TEX26: variants seen among roughly 807,000 people sequenced by gnomAD.
TEX26 encodes the protein testis-expressed protein 26.
TEX26 carries 34 observed loss-of-function variants against 35.3 expected under a neutral mutation model. The observed-to-expected ratio is 0.96, with a 90% CI of 0.73 to 1.28. The LOEUF (loss-of-function observed/expected upper bound fraction) is 1.28. TEX26 is among the 50% of genes most tolerant of loss of function. TEX26 has a pLI of 0.00. For synonymous variants in TEX26, 136 were observed against 111.8 expected (o/e 1.22, Z -1.36); for missense variants, 371 against 330.1 (o/e 1.12, Z -0.96).
At chr13:30,972,839 G>T (rs1244921183) in intron 6 of TEX26, among the ~76,000 whole-genome samples, 1 of 152,236 alleles carries the variant, frequency 6.6e-6, no homozygotes, top group Non-Finnish European at 1.5e-5. Context: ...GTTTGGCCAT[G>T]TTGGCCAGGC....
rs578078652 is a variant in TEX26, at chr13:30,970,067, A to C, written c.808+1021A>C. Among the ~76,000 whole-genome samples, 29 of 151,816 alleles carry C rather than the reference A, an allele frequency of 1.9e-4. No homozygotes were observed. In the South Asian group the frequency reaches 5.4e-3, roughly 28 times the overall value. On this transcript the variant is annotated intron_variant, in intron 6 of 6. Transcript: ENST00000380473. Reference sequence around the variant, plus strand: ...CCCAGCCACAATCAGAAGAGCTTGCACCTCTGAAATCCTCGCTGAAACCCT... The same window carrying C: ...CCCAGCCACAATCAGAAGAGCTTGCCCCTCTGAAATCCTCGCTGAAACCCT...
At chr13:30,973,464 A>T (rs1954777695) in intron 6 of TEX26, 1 of 152,222 alleles carries the variant, frequency 6.6e-6, no homozygotes, top group Non-Finnish European at 1.5e-5. Flanking sequence ...ACAGTAATGC[A>T]TGTGTCACTT....
At chr13:30,948,385 A>G (rs1258545517) in intron 2 of TEX26, among the ~76,000 whole-genome samples, 1 of 152,210 alleles carries the variant, frequency 6.6e-6, no homozygotes, top group African/African-American at 2.4e-5. Flanking sequence ...ATTTGTCCAC[A>G]TCCTCTCCAG....
At chr13:30,939,458 G>C (rs983013521) in intron 1 of TEX26, among the ~76,000 whole-genome samples, 3 of 152,046 alleles carry the variant, frequency 2.0e-5, no homozygotes, top group African/African-American at 7.3e-5. Flanking sequence ...CTTTAAAATA[G>C]CATGCATGAA....
chr13:30,936,719 G>T (rs1199792364), intron 1 of TEX26: 1 of 985,302 alleles, frequency 1.0e-6, no homozygotes, highest in African/African-American at 1.7e-5. Context: ...CCACGGGAGG[G>T]CTTGGGGACT....
At chr13:30,954,465 A>C (rs544585110) in intron 3 of TEX26, among the ~76,000 whole-genome samples, 1 of 150,410 alleles carries the variant, frequency 6.6e-6, no homozygotes, top group African/African-American at 2.4e-5. Context: ...GTATAATTAG[A>C]TATATTACAG....
chr13:30,963,205 T>C (rs968477341), intron 4 of TEX26, among the ~76,000 whole-genome samples: 1 of 152,160 alleles, frequency 6.6e-6, no homozygotes, highest in Admixed American at 6.5e-5. Flanking sequence ...ATACCTAATC[T>C]TAAATGGGCC....
At chr13:30,949,644 T>C (rs1255443921) in intron 2 of TEX26, among the ~76,000 whole-genome samples, 1 of 151,980 alleles carries the variant, frequency 6.6e-6, no homozygotes, top group Non-Finnish European at 1.5e-5. Context: ...ACACATTTTA[T>C]TGCATTATAT....
chr13:30,935,427 C>G (rs1336138215), intron 1 of TEX26, among the ~76,000 whole-genome samples: 2 of 152,248 alleles, frequency 1.3e-5, no homozygotes, highest in Non-Finnish European at 2.9e-5. Context: ...ACTTCCTTCC[C>G]TCTGAAGTCC....
At position 30,969,032 on chromosome 13, in the gene TEX26, G is replaced by T. The variant is rs775089788; in HGVS notation, c.794G>T (p.Ser265Ile). Residue 265 changes from serine to isoleucine, a missense_variant, in exon 6 of 7, where the codon AGT becomes ATT. By Grantham distance (142) the Ser-to-Ile change is moderately radical (BLOSUM62 -2). Coordinates refer to ENST00000380473, the MANE Select transcript of TEX26 (RefSeq NM_152325.3). ...TCTCAAGTCAAAGAGTACCTTCAGAGTCTTTCCTACAAAGGTAAGATGAGG... is the reference window on the plus strand; with the variant it reads ...TCTCAAGTCAAAGAGTACCTTCAGATTCTTTCCTACAAAGGTAAGATGAGG... The part of the protein sequence containing the change: ...TSSQVKEYLQ[S>I]LSYKDRQIID... The T allele has an allele frequency of 6.2e-7, 1 of 1,613,444 alleles. No homozygotes were observed. Among genetic ancestry groups the T allele is most frequent in the South Asian group, 1.1e-5 (1 of 90,936 alleles).
intron 5 of TEX26, 35 bp from the exon 6 acceptor site, chr13:30,968,850 C>A (rs763072299): frequency 4.8e-5 from 77 of 1,595,454 alleles, no homozygotes; most frequent in Admixed American, 8.8e-5. Context: ...TGGGTGCCAG[C>A]CTTCCGACCT....
intron 4 of TEX26, among the ~76,000 whole-genome samples, chr13:30,961,236 CT>C (rs1954329979): frequency 6.6e-6 from 1 of 152,144 alleles, no homozygotes; most frequent in African/African-American, 2.4e-5. Flanking sequence ...TCCAGAGCTT[CT>C]TTGGTTCAGT....
intron 4 of TEX26, among the ~76,000 whole-genome samples, chr13:30,958,171 T>A (rs926088459): frequency 6.6e-6 from 1 of 152,150 alleles, no homozygotes; most frequent in Non-Finnish European, 1.5e-5. Flanking sequence ...TGTTTTTTTG[T>A]AGGGTAAGTA....
intron 1 of TEX26, among the ~76,000 whole-genome samples, chr13:30,934,531 C>G (rs1298803353): frequency 6.6e-6 from 1 of 152,224 alleles, no homozygotes; most frequent in African/African-American, 2.4e-5. Context: ...AGCCTGAAAT[C>G]AAGGTCTGGA....
chr13:30,949,241 A>G (rs964380414), intron 2 of TEX26, among the ~76,000 whole-genome samples: 12 of 152,160 alleles, frequency 7.9e-5, no homozygotes, highest in South Asian at 4.1e-4. Context: ...TATGGAACCA[A>G]AAAAGAGCCC....
intron 2 of TEX26, among the ~76,000 whole-genome samples, chr13:30,951,425 G>A (rs1953917529): frequency 6.6e-6 from 1 of 151,418 alleles, no homozygotes; most frequent in South Asian, 2.1e-4. Context: ...ATATCTGAAT[G>A]GCAATAGAAT....
chr13:30,964,670 A>G (rs1221668444), intron 4 of TEX26, among the ~76,000 whole-genome samples: 1 of 152,170 alleles, frequency 6.6e-6, no homozygotes, highest in Non-Finnish European at 1.5e-5. Flanking sequence ...TGATGAAATA[A>G]ATTTATTTGT....
At position 30,951,933 on chromosome 13, in the gene TEX26, A is replaced by C. The variant is rs1448480850; in HGVS notation, c.147-727A>C. Among the ~76,000 whole-genome samples the C allele has an allele frequency of 4.9e-5, 5 of 102,796 alleles. 1 individual carries two copies. The East Asian group carries it at 1.4e-3, about 28-fold the overall frequency. The allele number at this position is 102,796 out of a possible 152,430, so 67.4% of individuals were successfully genotyped here. A position where few individuals can be genotyped will look rare whatever the true frequency, so the allele number is the denominator to read the frequency against. Reference sequence around the variant, plus strand: ...CCTCATTTAATCTTTAAAAAAAAAGAGAGAAAGAGAACTTTTTTTTTTTTT... The same window carrying C: ...CCTCATTTAATCTTTAAAAAAAAAGCGAGAAAGAGAACTTTTTTTTTTTTT... On this transcript the variant is annotated intron_variant, in intron 2 of 6. Coordinates refer to ENST00000380473, the MANE Select transcript of TEX26 (RefSeq NM_152325.3).
At position 30,974,853 on chromosome 13, in the gene TEX26, A is replaced by G; in HGVS notation, c.816A>G (p.Gln272=). 1 of 1,559,290 alleles carries G rather than the reference A, an allele frequency of 6.4e-7. No individual in the cohort carries two copies. Among genetic ancestry groups the G allele is most frequent in the South Asian group, 1.2e-5 (1 of 80,650 alleles). ...TTTCTTCATACTTTTCAGATAGACAAATTATTGATCGCTTTATTCGTACTC... is the reference window on the plus strand; with the variant it reads ...TTTCTTCATACTTTTCAGATAGACAGATTATTGATCGCTTTATTCGTACTC... ...YLQSLSYKDR[Q]IIDRFIRTHC... is the part of the protein sequence containing the mutation. The change falls in exon 7 of 7, where the codon CAA becomes CAG. Residue 272 remains glutamine (Q), a synonymous_variant. Transcript: ENST00000380473.
Sources: allele counts gnomAD v4.1 joint callset (sites outside exome capture counted in the v4.1 genomes callset), GRCh38; gene constraint gnomAD v4.1.1; transcripts MANE v1.5; gene names NCBI Gene and HGNC (gene_info 2026-07-23, HGNC 2026-07-21).